SEZ6L: variants seen among roughly 807,000 people sequenced by gnomAD.
The protein encoded by SEZ6L is seizure related 6 homolog like, also known as seizure 6-like protein.
A neutral mutation model predicts 106.2 loss-of-function variants in SEZ6L; 37 were observed. That is an observed-to-expected ratio of 0.35 (90% CI 0.27 to 0.46). SEZ6L has a LOEUF of 0.46. SEZ6L is among the 20% of genes least tolerant of loss of function. The pLI, the probability that SEZ6L is intolerant of heterozygous loss-of-function variation, is 1.00. For synonymous variants in SEZ6L, 541 were observed against 570.4 expected, an observed-to-expected ratio of 0.95 and a Z score of 0.73; for missense variants, 1,172 against 1,332.8, an observed-to-expected ratio of 0.88 and a Z score of 1.88.
At chr22:26,313,996 C>A in intron 9 of SEZ6L, 94 bp downstream of exon 9, 1 of 1,306,162 alleles carries the variant, frequency 7.7e-7, no homozygotes. Context: ...CCAATATTAA[C>A]TAAGCATCTA....
At chr22:26,375,332 T>G (rs2084183568) in intron 14 of SEZ6L, among the ~76,000 whole-genome samples, 1 of 152,150 alleles carries the variant, frequency 6.6e-6, no homozygotes, top group Non-Finnish European at 1.5e-5. Context: ...ACGATCAGGT[T>G]TCAAACAGTG....
intron 1 of SEZ6L, among the ~76,000 whole-genome samples, chr22:26,266,445 C>T (rs898684058): frequency 1.3e-5 from 2 of 150,038 alleles, no homozygotes; most frequent in African/African-American, 4.9e-5. Flanking sequence ...TGGTGGTGGG[C>T]GCCTGTAGTC....
intron 1 of SEZ6L, among the ~76,000 whole-genome samples, chr22:26,181,929 C>T (rs1272100789): frequency 6.6e-6 from 1 of 152,186 alleles, no homozygotes; most frequent in Non-Finnish European, 1.5e-5. Flanking sequence ...TGCTAGAACA[C>T]AGCAAGAGCT....
At chr22:26,347,643 C>T (rs2083053466) in intron 10 of SEZ6L, 76 bp from the exon 11 acceptor site, 1 of 1,254,704 alleles carries the variant, frequency 8.0e-7, no homozygotes, top group Non-Finnish European at 1.1e-6. Flanking sequence ...TTCGCTCATC[C>T]CTCTAGCCGT....
intron 5 of SEZ6L, among the ~76,000 whole-genome samples, chr22:26,305,448 C>A (rs751438543): frequency 2.0e-5 from 3 of 152,232 alleles, no homozygotes; most frequent in Non-Finnish European, 2.9e-5. Context: ...TTTCCCATCA[C>A]CCTTACCATC....
chr22:26,169,735 G>A lies in SEZ6L; in HGVS notation c.66G>A (p.Leu22=). 7.9e-7 allele frequency: 1 copy of A among 1,266,048 alleles called. No individual in the cohort carries two copies. Among genetic ancestry groups the A allele is most frequent in the Admixed American group, 4.2e-5 (1 of 23,828 alleles). The allele number at this position is 1,266,048 out of a possible 1,614,324, so 78.4% of individuals were successfully genotyped here. A position where few individuals can be genotyped will look rare whatever the true frequency, so the allele number is the denominator to read the frequency against. The change falls in exon 1 of 17, where the codon CTG becomes CTA. Residue 22 remains leucine (L), a synonymous_variant. Coordinates refer to ENST00000248933, the MANE Select transcript of SEZ6L (RefSeq NM_021115.5). ...RGISLFLALL[L]GSPAAALERD... ...TCTCGCTGTTCCTCGCTCTGCTCCT[G>A]GGGAGCCCGGCGGCAGCGCTGGAGC...
At chr22:26,377,853 C>T in intron 16 of SEZ6L, 78 bp downstream of exon 16, 1 of 1,111,554 alleles carries the variant, frequency 9.0e-7, no homozygotes, top group South Asian at 1.2e-5. Flanking sequence ...CAAAACATTT[C>T]ATTTCCTATT....
chr22:26,296,649 T>C (rs1443202001), intron 3 of SEZ6L, among the ~76,000 whole-genome samples: 1 of 152,182 alleles, frequency 6.6e-6, no homozygotes, highest in Non-Finnish European at 1.5e-5. Context: ...ACATTGCAAG[T>C]CCCTTGCAAT....
chr22:26,170,160 AG>A (rs1202240879), intron 1 of SEZ6L, among the ~76,000 whole-genome samples: 2 of 152,004 alleles, frequency 1.3e-5, no homozygotes, highest in African/African-American at 2.4e-5. Flanking sequence ...GAGGACAGGA[AG>A]GGGGGTGAGA....
chr22:26,169,557 G>C lies in SEZ6L; in HGVS notation c.-113G>C. 2.4e-6 allele frequency: 1 copy of C among 413,444 alleles called. No individual in the cohort carries two copies. Among genetic ancestry groups the C allele is most frequent in the Non-Finnish European group, 4.2e-6 (1 of 237,674 alleles). The allele number at this position is 413,444 out of a possible 1,614,324, so 25.6% of individuals were successfully genotyped here. On this transcript the variant is annotated 5_prime_UTR_variant, in exon 1 of 17. Coordinates refer to ENST00000248933, the MANE Select transcript of SEZ6L (RefSeq NM_021115.5). ...GCTCCGGAAGCTGCCCCGGCCCGCG[G>C]CCTCCTCCCTCGCTCCCGCTTCCCC... is the stretch of plus-strand genomic sequence containing the variant.
intron 1 of SEZ6L, among the ~76,000 whole-genome samples, chr22:26,247,212 A>G (rs1602147871): frequency 1.3e-5 from 2 of 152,164 alleles, no homozygotes; most frequent in East Asian, 1.9e-4. Flanking sequence ...TGATGTTATT[A>G]AGAAAATCAC....
In SEZ6L at chr22:26,381,342, A is replaced by T. The variant is rs1472284514; in HGVS notation, c.*1047A>T. On this transcript the variant is annotated 3_prime_UTR_variant, in exon 17 of 17. Transcript: ENST00000248933. ...GAGACTCAAGTGCACTGATTCTCTA[A>T]AAGGTGTCATCTTCAGAATATACTT... is the stretch of plus-strand genomic sequence containing the variant. 1.3e-5 allele frequency: 2 copies of T among 152,222 alleles called. No homozygotes were observed. 9.4% of individuals were successfully genotyped at this position (152,222 alleles called of 1,614,324 possible). A position where few individuals can be genotyped will look rare whatever the true frequency, so the allele number is the denominator to read the frequency against.
chr22:26,359,971 T>C (rs1268006668), intron 12 of SEZ6L, among the ~76,000 whole-genome samples: 1 of 152,238 alleles, frequency 6.6e-6, no homozygotes, highest in Admixed American at 6.5e-5. Flanking sequence ...TGATTGTTAT[T>C]ACCTTCAAGG....
At chr22:26,343,624 T>C (rs1033072447) in intron 10 of SEZ6L, among the ~76,000 whole-genome samples, 1 of 152,136 alleles carries the variant, frequency 6.6e-6, no homozygotes, top group Admixed American at 6.5e-5. Flanking sequence ...AATAGAATAT[T>C]CTCCCTACCC....
intron 9 of SEZ6L, among the ~76,000 whole-genome samples, chr22:26,331,002 G>T (rs950449364): frequency 6.6e-6 from 1 of 152,188 alleles, no homozygotes; most frequent in South Asian, 2.1e-4. Flanking sequence ...TGTTTAGAAA[G>T]GAATAAGGAA....
At chr22:26,197,525 C>G (rs1569370395) in intron 1 of SEZ6L, among the ~76,000 whole-genome samples, 1 of 152,048 alleles carries the variant, frequency 6.6e-6, no homozygotes, top group African/African-American at 2.4e-5. Flanking sequence ...CAGGAGGGGT[C>G]CTGGTATAGT....
At chr22:26,289,223 T>G (rs1437486796) in intron 1 of SEZ6L, among the ~76,000 whole-genome samples, 2 of 152,144 alleles carry the variant, frequency 1.3e-5, no homozygotes, top group Non-Finnish European at 2.9e-5. Flanking sequence ...CACAGCTGGG[T>G]CTTGGAAGCT....
At chr22:26,274,987 C>T (rs1171716825) in intron 1 of SEZ6L, among the ~76,000 whole-genome samples, 1 of 152,216 alleles carries the variant, frequency 6.6e-6, no homozygotes, top group East Asian at 1.9e-4. Context: ...ATCTTGCTAA[C>T]ACTGGCATTG....
At chr22:26,311,056 T>G (rs748843561) in intron 7 of SEZ6L, among the ~76,000 whole-genome samples, 2 of 152,272 alleles carry the variant, frequency 1.3e-5, no homozygotes, top group African/African-American at 4.8e-5. Flanking sequence ...TTCTGTGCAC[T>G]GTCTGATTGG....
Sources: allele counts gnomAD v4.1 joint callset (sites outside exome capture counted in the v4.1 genomes callset), GRCh38; gene constraint gnomAD v4.1.1; transcripts MANE v1.5; gene names NCBI Gene and HGNC (gene_info 2026-07-23, HGNC 2026-07-21).